FHL5: variants seen among roughly 807,000 people sequenced by gnomAD.
FHL5 encodes four and a half LIM domains 5, also known as four and a half LIM domains protein 5.
FHL5 carries 33 observed loss-of-function variants against 32.0 expected under a neutral mutation model. That is an observed-to-expected ratio of 1.03 (90% CI 0.78 to 1.38). FHL5 has a LOEUF of 1.38. Among genes scored for constraint, FHL5 ranks in the 40% most tolerant of loss-of-function variants. The pLI is 0.00. For missense variants in FHL5, 336 were observed against 343.9 expected, an observed-to-expected ratio of 0.98 and a Z score of 0.18; for synonymous variants, 114 against 113.6, an observed-to-expected ratio of 1.00 and a Z score of -0.02.
At chr6:96,566,948 T>C (rs1770371137) in intron 1 of FHL5, among the ~76,000 whole-genome samples, 1 of 152,042 alleles carries the variant, frequency 6.6e-6, no homozygotes, top group Non-Finnish European at 1.5e-5. Flanking sequence ...GTCTTTTTTC[T>C]CTGTTGACTG....
At chr6:96,586,669 T>G (rs1299843292) in intron 1 of FHL5, among the ~76,000 whole-genome samples, 2 of 152,134 alleles carry the variant, frequency 1.3e-5, no homozygotes, top group African/African-American at 4.8e-5. Context: ...AGCAAACCAT[T>G]CACATAAATT....
Position 96,618,025 on chromosome 6 carries a change from A to C in FHL5, c.*2253A>C, listed in dbSNP as rs1456945677. On this transcript the variant is annotated 3_prime_UTR_variant, in exon 6 of 6. Transcript: ENST00000450218. ...TAGGAGGATGGATCATGGTATGGAA[A>C]TGCAGAAGTGCCTGATGCAAAGATC... 3.9e-5 allele frequency among the ~76,000 whole-genome samples: 6 copies of C among 152,328 alleles called. No individual in the cohort carries two copies. The East Asian group carries it at 1.2e-3, about 29-fold the overall frequency.
chr6:96,594,994 T>C (rs1771006534), intron 1 of FHL5, among the ~76,000 whole-genome samples: 1 of 151,992 alleles, frequency 6.6e-6, no homozygotes, highest in Non-Finnish European at 1.5e-5. Flanking sequence ...ATTATTATTG[T>C]TTTTTCATAC....
chr6:96,571,621 T>A (rs1770480936), intron 1 of FHL5, among the ~76,000 whole-genome samples: 1 of 152,158 alleles, frequency 6.6e-6, no homozygotes, highest in African/African-American at 2.4e-5. Context: ...GGATCTATGA[T>A]TCTGAGGGAC....
intron 1 of FHL5, among the ~76,000 whole-genome samples, chr6:96,596,500 T>A (rs1771037299): frequency 6.6e-6 from 1 of 152,074 alleles, no homozygotes; most frequent in Non-Finnish European, 1.5e-5. Context: ...ATATATATTC[T>A]CTTCTTGTAG....
chr6:96,590,570 T>C (rs1482131185), intron 1 of FHL5, among the ~76,000 whole-genome samples: 1 of 152,062 alleles, frequency 6.6e-6, no homozygotes, highest in Non-Finnish European at 1.5e-5. Flanking sequence ...TGAGTTTGTT[T>C]CCTTTTAACT....
chr6:96,585,593 T>A (rs2127964777), intron 1 of FHL5, among the ~76,000 whole-genome samples: 1 of 152,314 alleles, frequency 6.6e-6, no homozygotes, highest in South Asian at 2.1e-4. Flanking sequence ...ATATCCTGTA[T>A]TTTAAGACAC....
At chr6:96,595,285 C>G (rs908576787) in intron 1 of FHL5, among the ~76,000 whole-genome samples, 2 of 151,700 alleles carry the variant, frequency 1.3e-5, no homozygotes, top group African/African-American at 4.8e-5. Context: ...AGCATTATTT[C>G]AGTTTCTTCT....
intron 4 of FHL5, among the ~76,000 whole-genome samples, chr6:96,608,829 A>G (rs1771338990): frequency 6.6e-6 from 1 of 152,216 alleles, no homozygotes; most frequent in African/African-American, 2.4e-5. Context: ...TATAATCACA[A>G]GCAAACTATT....
intron 1 of FHL5, among the ~76,000 whole-genome samples, chr6:96,586,859 G>A (rs1380184124): frequency 2.6e-5 from 4 of 152,182 alleles, no homozygotes; most frequent in Admixed American, 1.3e-4. Flanking sequence ...ATCAGCTGCA[G>A]ACAAGAGTAG....
At chr6:96,582,395 C>T (rs373145762) in intron 1 of FHL5, among the ~76,000 whole-genome samples, 8 of 151,996 alleles carry the variant, frequency 5.3e-5, no homozygotes, top group African/African-American at 1.9e-4. Context: ...TTTTAAAAGC[C>T]CTTCTTTTTT....
chr6:96,578,609 A>G (rs1770634082), intron 1 of FHL5, among the ~76,000 whole-genome samples: 2 of 152,172 alleles, frequency 1.3e-5, no homozygotes, highest in Admixed American at 1.3e-4. Context: ...TGGGAGGTCG[A>G]GGTGGGAGAA....
intron 1 of FHL5, among the ~76,000 whole-genome samples, chr6:96,568,995 G>T (rs1770420003): frequency 6.6e-6 from 1 of 151,414 alleles, no homozygotes; most frequent in Non-Finnish European, 1.5e-5. Flanking sequence ...TTTGGGCTTG[G>T]TTTACTCTGC....
At chr6:96,563,673 T>G (rs1181803637) in intron 1 of FHL5, among the ~76,000 whole-genome samples, 4 of 152,142 alleles carry the variant, frequency 2.6e-5, no homozygotes, top group African/African-American at 9.7e-5. Context: ...TTTATTGTTG[T>G]AAAAAGAGGA....
chr6:96,612,472 C>A (rs777414678), intron 5 of FHL5, among the ~76,000 whole-genome samples: 1 of 152,162 alleles, frequency 6.6e-6, no homozygotes, highest in Non-Finnish European at 1.5e-5. Flanking sequence ...AAAAAGCCTA[C>A]ACAAGCCCTG....
At chr6:96,597,942 T>C (rs1771069676) in intron 1 of FHL5, among the ~76,000 whole-genome samples, 2 of 152,298 alleles carry the variant, frequency 1.3e-5, no homozygotes, top group African/African-American at 4.8e-5. Context: ...ATGAGCATAA[T>C]AATAATAGAC....
chr6:96,594,334 C>A (rs1770992572), intron 1 of FHL5, among the ~76,000 whole-genome samples: 1 of 143,366 alleles, frequency 7.0e-6, no homozygotes, highest in Admixed American at 7.1e-5. Context: ...AACATTGGAA[C>A]AAAATACACA....
At chr6:96,602,981 A>G (rs1022975503) in intron 1 of FHL5, among the ~76,000 whole-genome samples, 4 of 152,162 alleles carry the variant, frequency 2.6e-5, no homozygotes, top group Admixed American at 1.3e-4. Flanking sequence ...GCTAGCAGAA[A>G]ACAGAGATTT....
chr6:96,605,112 A>T (rs1771245011), intron 3 of FHL5, among the ~76,000 whole-genome samples, 188 bp downstream of exon 3: 1 of 152,192 alleles, frequency 6.6e-6, no homozygotes, highest in Admixed American at 6.5e-5. Flanking sequence ...TGAACAGGTA[A>T]ATTACAGTGT....
Sources: allele counts gnomAD v4.1 joint callset (sites outside exome capture counted in the v4.1 genomes callset), GRCh38; gene constraint gnomAD v4.1.1; transcripts MANE v1.5; gene names NCBI Gene and HGNC (gene_info 2026-07-23, HGNC 2026-07-21).